Variants in DCC observed in about 807,000 individuals in gnomAD.
DCC encodes the protein netrin receptor DCC.
A neutral mutation model predicts 172.5 loss-of-function variants in DCC; 58 were observed. The ratio of observed to expected loss-of-function variants is 0.34; its 90% CI spans 0.27 to 0.42. DCC has a LOEUF of 0.42. Among genes scored for constraint, DCC ranks in the 10% least tolerant of loss-of-function variants. The pLI is 1.00. For synonymous variants in DCC, 709 were observed against 644.5 expected (o/e 1.10, Z -1.52); for missense variants, 1,740 against 1,791.0 (o/e 0.97, Z 0.51).
chr18:53,187,191 C>T (rs1309005323), intron 9 of DCC, among the ~76,000 whole-genome samples: 1 of 150,298 alleles, frequency 6.7e-6, no homozygotes, highest in African/African-American at 2.5e-5. Context: ...GGTGTGATCT[C>T]AGCTCACTGC....
chr18:53,197,419 GT>G lies in DCC; in HGVS notation c.1574-7776del, dbSNP rs11427253. On this transcript the variant is annotated intron_variant, in intron 9 of 28. Transcript: ENST00000442544. ...TTTCTTCAAATCCACTTTTATTTTA[GT>G]TTTTTTTTTTTTTTTTTTTTAACAG... Among the ~76,000 whole-genome samples, 970 of 119,508 alleles carry G rather than the reference GT, an allele frequency of 8.1e-3. 8 individuals are homozygous for G. Among genetic ancestry groups the G allele is most frequent in the Non-Finnish European group, 7.2e-3 (423 of 58,690 alleles). The allele number at this position is 119,508 out of a possible 152,430, so 78.4% of individuals were successfully genotyped here. A position where few individuals can be genotyped will look rare whatever the true frequency, so the allele number is the denominator to read the frequency against.
intron 1 of DCC, among the ~76,000 whole-genome samples, chr18:52,598,615 C>T (rs571866813): frequency 6.6e-6 from 1 of 152,262 alleles, no homozygotes; most frequent in African/African-American, 2.4e-5. Flanking sequence ...TGTCAAGGAG[C>T]TCAGGCTCTA....
chr18:53,262,457 C>T (rs1381990019), intron 12 of DCC, among the ~76,000 whole-genome samples: 1 of 152,188 alleles, frequency 6.6e-6, no homozygotes, highest in Non-Finnish European at 1.5e-5. Context: ...CCTGGCCAGA[C>T]ATTTAAAGCT....
chr18:53,303,190 G>C (rs1432504280), intron 12 of DCC, among the ~76,000 whole-genome samples: 1 of 152,116 alleles, frequency 6.6e-6, no homozygotes, highest in East Asian at 1.9e-4. Flanking sequence ...TGAATTTTGA[G>C]AGATTTCTTT....
chr18:52,657,208 T>C (rs1001949968), intron 1 of DCC, among the ~76,000 whole-genome samples: 1 of 152,150 alleles, frequency 6.6e-6, no homozygotes, highest in African/African-American at 2.4e-5. Context: ...ATGTTCCCCA[T>C]AGTGTGTGTG....
At chr18:53,098,477 C>A (rs1351366143) in intron 7 of DCC, among the ~76,000 whole-genome samples, 1 of 152,084 alleles carries the variant, frequency 6.6e-6, no homozygotes, top group African/African-American at 2.4e-5. Context: ...AGATTACAAG[C>A]CAGTCACTTC....
chr18:53,475,503 A>G (rs1427306177), intron 25 of DCC, among the ~76,000 whole-genome samples: 3 of 152,204 alleles, frequency 2.0e-5, no homozygotes, highest in Admixed American at 6.5e-5. Context: ...AGGAGCCAAA[A>G]TAGAGCTCAG....
chr18:52,689,627 T>C (rs1323586827), intron 1 of DCC, among the ~76,000 whole-genome samples: 1 of 152,110 alleles, frequency 6.6e-6, no homozygotes, highest in Non-Finnish European at 1.5e-5. Flanking sequence ...CTCCTCAGTA[T>C]ATAAAGGCAG....
intron 2 of DCC, among the ~76,000 whole-genome samples, chr18:52,775,049 C>T (rs1335221858): frequency 1.3e-5 from 2 of 152,126 alleles, no homozygotes; most frequent in Non-Finnish European, 2.9e-5. Context: ...GAGCCTCTTA[C>T]CAGCAGGAAA....
intron 15 of DCC, among the ~76,000 whole-genome samples, chr18:53,383,758 T>G (rs1421972711): frequency 6.6e-6 from 1 of 151,900 alleles, no homozygotes; most frequent in African/African-American, 2.4e-5. Context: ...AATTCAATTT[T>G]AGGAACACAG....
chr18:53,161,614 G>A (rs531798837), intron 8 of DCC, among the ~76,000 whole-genome samples: 5 of 152,006 alleles, frequency 3.3e-5, no homozygotes, highest in South Asian at 2.1e-4. Flanking sequence ...AATATCCCAC[G>A]AGCATCTAAA....
At chr18:52,520,704 T>A (rs1417809181) in intron 1 of DCC, among the ~76,000 whole-genome samples, 1 of 151,346 alleles carries the variant, frequency 6.6e-6, no homozygotes, top group African/African-American at 2.4e-5. Context: ...TATGACAAGG[T>A]TTTTTTTAAG....
intron 7 of DCC, among the ~76,000 whole-genome samples, chr18:53,070,004 G>A (rs2042631497): frequency 6.8e-6 from 1 of 148,044 alleles, no homozygotes. Context: ...TTTTGAGACA[G>A]AATCTCACTC....
intron 1 of DCC, among the ~76,000 whole-genome samples, chr18:52,525,748 A>T (rs979427408): frequency 6.6e-6 from 1 of 152,248 alleles, no homozygotes; most frequent in Admixed American, 6.5e-5. Flanking sequence ...TCATAGACAG[A>T]TCTTAACTCT....
At chr18:52,563,402 A>G (rs2033084413) in intron 1 of DCC, among the ~76,000 whole-genome samples, 1 of 152,180 alleles carries the variant, frequency 6.6e-6, no homozygotes. Flanking sequence ...AATTTGCCAA[A>G]TTCCTGCTCG....
intron 1 of DCC, among the ~76,000 whole-genome samples, chr18:52,733,994 T>C (rs1354165737): frequency 2.6e-5 from 4 of 152,142 alleles, no homozygotes; most frequent in Non-Finnish European, 5.9e-5. Flanking sequence ...CTTGACAATA[T>C]TTATCACTAC....
chr18:52,814,598 CA>C (rs1478464837), intron 2 of DCC, among the ~76,000 whole-genome samples: 6 of 151,980 alleles, frequency 3.9e-5, no homozygotes, highest in Non-Finnish European at 7.4e-5. Flanking sequence ...AAATAATAGG[CA>C]AAAAACATTT....
At chr18:52,385,643 T>C (rs116913935) in intron 1 of DCC, among the ~76,000 whole-genome samples, 1 of 151,652 alleles carries the variant, frequency 6.6e-6, no homozygotes, top group East Asian at 1.9e-4. Context: ...GGTAGTAGTG[T>C]TAGTAGTAGT....
At chr18:52,962,519 A>G (rs1336124982) in intron 5 of DCC, among the ~76,000 whole-genome samples, 3 of 151,992 alleles carry the variant, frequency 2.0e-5, no homozygotes, top group African/African-American at 7.3e-5. Flanking sequence ...ACTGTAAACT[A>G]GTTCAACCAA....
Sources: allele counts gnomAD v4.1 joint callset (sites outside exome capture counted in the v4.1 genomes callset), GRCh38; gene constraint gnomAD v4.1.1; transcripts MANE v1.5; gene names NCBI Gene and HGNC (gene_info 2026-07-23, HGNC 2026-07-21).